The following SLC4A8 variants were observed in gnomAD, a reference collection of about 807,000 sequenced individuals.
The protein encoded by SLC4A8 is solute carrier family 4 member 8, also known as electroneutral sodium bicarbonate exchanger 1.
In SLC4A8, 40 loss-of-function variants were observed where a neutral mutation model predicts 125.0. The ratio of observed to expected loss-of-function variants is 0.32; its 90% CI spans 0.25 to 0.42. The LOEUF (loss-of-function observed/expected upper bound fraction) is 0.42, where lower values mean the gene tolerates loss of function less well. Ranked by LOEUF, SLC4A8 falls within the 10% of genes least tolerant of loss-of-function variation. The pLI is 1.00. For missense variants in SLC4A8, 863 were observed against 1,355.1 expected (o/e 0.64, Z 5.70); for synonymous variants, 456 against 476.0 (o/e 0.96, Z 0.55).
At chr12:51,395,155 T>C (rs977634435) in intron 1 of SLC4A8, among the ~76,000 whole-genome samples, 1 of 152,188 alleles carries the variant, frequency 6.6e-6, no homozygotes, top group Non-Finnish European at 1.5e-5. Context: ...TGAAAATGTA[T>C]ACAGTGAAAG....
At chr12:51,403,091 G>C (rs1948423582) in intron 1 of SLC4A8, 9 of 366,298 alleles carry the variant, frequency 2.5e-5, no homozygotes, top group South Asian at 1.7e-4. Flanking sequence ...TATAGAGTCT[G>C]TTGTGAAATT....
At chr12:51,490,128 A>G (rs1951269972) in intron 19 of SLC4A8, among the ~76,000 whole-genome samples, 177 bp downstream of exon 19, 1 of 152,192 alleles carries the variant, frequency 6.6e-6, no homozygotes, top group Admixed American at 6.5e-5. Flanking sequence ...TAGTTAAGAA[A>G]CAAACATGAT....
intron 5 of SLC4A8, among the ~76,000 whole-genome samples, chr12:51,455,838 T>C (rs1375427186): frequency 6.6e-6 from 1 of 152,180 alleles, no homozygotes; most frequent in Non-Finnish European, 1.5e-5. Context: ...GAAATTCTCA[T>C]GTTCATCATT....
At chr12:51,464,573 G>T (rs78603482) in intron 11 of SLC4A8, among the ~76,000 whole-genome samples, 8 of 152,292 alleles carry the variant, frequency 5.3e-5, no homozygotes, top group African/African-American at 1.7e-4. Flanking sequence ...ATATCCAGGG[G>T]TGTCCCCAGA....
At chr12:51,424,715 C>T, upstream of SLC4A8, 1 of 449,172 alleles carries the variant, frequency 2.2e-6, no homozygotes, top group South Asian at 3.6e-5. Context: ...CGGTTGGCTC[C>T]CCGGCTCCTC....
At chr12:51,434,034 C>T (rs1219049277) in intron 1 of SLC4A8, among the ~76,000 whole-genome samples, 1 of 151,880 alleles carries the variant, frequency 6.6e-6, no homozygotes, top group Non-Finnish European at 1.5e-5. Flanking sequence ...ACCACCACAC[C>T]CAGCTAATTT....
intron 1 of SLC4A8, among the ~76,000 whole-genome samples, chr12:51,438,088 C>T (rs1353296017): frequency 6.6e-6 from 1 of 152,122 alleles, no homozygotes. Flanking sequence ...GTATAGTGAT[C>T]AGATCAGAGT....
At chr12:51,500,910 G>A (rs1291539543) in intron 22 of SLC4A8, among the ~76,000 whole-genome samples, 1 of 149,406 alleles carries the variant, frequency 6.7e-6, no homozygotes, top group African/African-American at 2.5e-5. Context: ...TTAAGTTTTA[G>A]GGTACATGTG....
chr12:51,467,265 T>C (rs1485798309), intron 11 of SLC4A8: 8 of 152,184 alleles, frequency 5.3e-5, no homozygotes, highest in Admixed American at 5.2e-4. Context: ...GGCTAGACCA[T>C]GTAGATAGCT....
chr12:51,479,745 C>T (rs1950965761), intron 16 of SLC4A8, among the ~76,000 whole-genome samples: 1 of 148,928 alleles, frequency 6.7e-6, no homozygotes, highest in South Asian at 2.1e-4. Flanking sequence ...GAGCAAAATA[C>T]ATATTTTATA....
intron 17 of SLC4A8, 72 bp downstream of exon 17, chr12:51,485,972 G>A (rs1951153307): frequency 1.1e-6 from 1 of 869,780 alleles, no homozygotes; most frequent in Admixed American, 1.8e-5. Flanking sequence ...AATTTCAAAG[G>A]CCTTTTCATA....
chr12:51,458,566 C>T lies in SLC4A8; in HGVS notation c.771C>T (p.Thr257=), dbSNP rs771616062. The T allele has an allele frequency of 5.3e-5, 86 of 1,611,738 alleles. No homozygotes were observed. Among genetic ancestry groups the T allele is most frequent in the Admixed American group, 4.2e-4 (25 of 59,984 alleles). Residue 257 remains threonine, a synonymous_variant, in exon 7 of 25, where the codon ACC becomes ACT. Coordinates refer to ENST00000453097, the MANE Select transcript of SLC4A8 (RefSeq NM_001039960.3). The part of the protein sequence containing the change: ...DPHLMDKHGQ[T]VSPQSVPTTN... ...TTTATTTTCTCCAAATAGGTCAAAC[C>T]GTGTCTCCTCAGTCTGTTCCAACTA...
In SLC4A8 at chr12:51,513,608, C is replaced by T. The variant is rs1407637724; in HGVS notation, c.*6170C>T. On this transcript the variant is annotated 3_prime_UTR_variant, in exon 25 of 25. Transcript: ENST00000453097. ...TAGCTGGGACTATAGGCGCGCACCA[C>T]CATGCCCAGCTAATTTTTGTATTTT... The T allele has an allele frequency of 6.6e-6, 1 of 152,314 alleles. No individual in the cohort carries two copies. The highest frequency in any genetic ancestry group is 1.5e-5 in the Non-Finnish European group (1 of 68,128). The allele number at this position is 152,314 out of a possible 1,614,324, so 9.4% of individuals were successfully genotyped here.
At chr12:51,483,371 GA>G (rs1951078302) in intron 16 of SLC4A8, among the ~76,000 whole-genome samples, 6 of 149,056 alleles carry the variant, frequency 4.0e-5, no homozygotes, top group Non-Finnish European at 7.4e-5. Flanking sequence ...AAAAAAGAAA[GA>G]AAAAGAAAAG....
At chr12:51,424,069 A>C (rs866531580), upstream of SLC4A8, among the ~76,000 whole-genome samples, 7 of 129,988 alleles carry the variant, frequency 5.4e-5, no homozygotes, top group African/African-American at 1.4e-4. Flanking sequence ...AAAACAACAA[A>C]AAAAAAACAA....
chr12:51,469,588 G>C (rs1256515042), intron 11 of SLC4A8, 26 bp from the exon 12 acceptor site: 1 of 1,606,546 alleles, frequency 6.2e-7, no homozygotes, highest in Non-Finnish European at 8.5e-7. Context: ...GACTGTGTTA[G>C]AAGCCTGTCT....
At chr12:51,434,561 G>A (rs1453421154) in intron 1 of SLC4A8, among the ~76,000 whole-genome samples, 1 of 152,186 alleles carries the variant, frequency 6.6e-6, no homozygotes, top group African/African-American at 2.4e-5. Context: ...TTAGGCTGTG[G>A]TTAACCAATC....
At position 51,431,338 on chromosome 12, in the gene SLC4A8, A is replaced by G. The variant is rs150883958; in HGVS notation, c.48+6303A>G. Among the ~76,000 whole-genome samples, 1,331 of 152,322 alleles carry G rather than the reference A, an allele frequency of 8.7e-3. 11 individuals are homozygous for G. Among genetic ancestry groups the G allele is most frequent in the Non-Finnish European group, 0.015 (1,002 of 68,014 alleles). On this transcript the variant is annotated intron_variant, in intron 1 of 24. Transcript: ENST00000453097. The stretch of plus-strand genomic sequence containing the variant: ...TCTCCAACCTTAATTCCTCTTTGCC[A>G]TTATAAGGGAACATATTCACAAACT...
chr12:51,394,675 G>A (rs947556929), intron 1 of SLC4A8, among the ~76,000 whole-genome samples: 3 of 152,080 alleles, frequency 2.0e-5, no homozygotes, highest in Non-Finnish European at 2.9e-5. Flanking sequence ...CAACAGGCAC[G>A]GGGGCCCACT....
Sources: gnomAD v4.1 joint callset for allele counts (sites outside exome capture counted in the v4.1 genomes callset) on GRCh38, gnomAD v4.1.1 for gene constraint, MANE v1.5 for transcripts, NCBI Gene and HGNC (gene_info 2026-07-23, HGNC 2026-07-21) for gene names.